The following ARB2A variants were observed in gnomAD, a reference collection of about 807,000 sequenced individuals.
ARB2A encodes cotranscriptional regulator ARB2A.
At chr5:93,692,396 T>A in the ARB2A span, among the ~76,000 whole-genome samples, 1 of 152,044 alleles carries the variant, frequency 6.6e-6, no homozygotes, top group Non-Finnish European at 1.5e-5. Flanking sequence ...GGGGTTGCAA[T>A]CCTAGTCTCT....
the ARB2A span, among the ~76,000 whole-genome samples, chr5:93,755,065 T>C: frequency 3.3e-5 from 5 of 152,316 alleles, no homozygotes; most frequent in East Asian, 5.8e-4. Context: ...TAGTTTTAAA[T>C]TATAGCCTTA....
chr5:93,830,305 G>GTATA, the ARB2A span, among the ~76,000 whole-genome samples: 5 of 40,874 alleles, frequency 1.2e-4, no homozygotes, highest in Non-Finnish European at 2.3e-4. Flanking sequence ...ATATATGTGT[G>GTATA]TGTGTGTATA....
the ARB2A span, among the ~76,000 whole-genome samples, chr5:93,947,661 C>A: frequency 1.0e-5 from 1 of 97,672 alleles, no homozygotes; most frequent in South Asian, 4.6e-4. Context: ...TGCTATCCCT[C>A]CCCCCTCCCC....
At chr5:94,035,196 C>CATACAT in the ARB2A span, among the ~76,000 whole-genome samples, 29,739 of 129,390 alleles carry the variant, frequency 0.23, 3,683 homozygotes, top group Admixed American at 0.26. Flanking sequence ...GGATCTTATA[C>CATACAT]ATACATATAC....
the ARB2A span, chr5:93,740,637 G>A: frequency 6.2e-7 from 1 of 1,613,224 alleles, no homozygotes; most frequent in African/African-American, 1.3e-5. Context: ...CCCCTGCAGA[G>A]TAGAGACGTG....
the ARB2A span, among the ~76,000 whole-genome samples, chr5:93,809,480 G>A: frequency 7.7e-3 from 1,176 of 152,110 alleles, 9 homozygotes; most frequent in Non-Finnish European, 9.2e-3. Context: ...ACATTGGTAA[G>A]ATTTTAAGTT....
the ARB2A span, among the ~76,000 whole-genome samples, chr5:93,932,193 T>C: frequency 6.6e-6 from 1 of 152,200 alleles, no homozygotes; most frequent in African/African-American, 2.4e-5. Flanking sequence ...CTATCTCATA[T>C]TGGTTCATGA....
the ARB2A span, among the ~76,000 whole-genome samples, chr5:93,868,800 T>C: frequency 6.6e-6 from 1 of 152,186 alleles, no homozygotes; most frequent in Admixed American, 6.5e-5. Context: ...AACAATAGTC[T>C]TAGAATAAAC....
chr5:93,760,469 TG>T, the ARB2A span, among the ~76,000 whole-genome samples: 1 of 151,966 alleles, frequency 6.6e-6, no homozygotes, highest in Non-Finnish European at 1.5e-5. Flanking sequence ...AAAGAACAAA[TG>T]TGGAGGAATC....
the ARB2A span, among the ~76,000 whole-genome samples, chr5:94,066,158 A>G: frequency 6.6e-6 from 1 of 152,152 alleles, no homozygotes; most frequent in African/African-American, 2.4e-5. Context: ...TGAAAACCAA[A>G]CACGACATAC....
At chr5:93,828,069 T>C in the ARB2A span, among the ~76,000 whole-genome samples, 1 of 152,160 alleles carries the variant, frequency 6.6e-6, no homozygotes, top group South Asian at 2.1e-4. Flanking sequence ...GACTTGGCGA[T>C]GTGGGCTCTT....
the ARB2A span, among the ~76,000 whole-genome samples, chr5:93,654,956 G>A: frequency 6.6e-6 from 1 of 152,144 alleles, no homozygotes; most frequent in Admixed American, 6.5e-5. Flanking sequence ...AATATCTTTT[G>A]TAGCTGCAGT....
chr5:94,016,699 T>A, the ARB2A span, among the ~76,000 whole-genome samples: 2 of 152,210 alleles, frequency 1.3e-5, no homozygotes, highest in African/African-American at 4.8e-5. Flanking sequence ...ATGCCCTCCC[T>A]CCTTAAAATA....
the ARB2A span, among the ~76,000 whole-genome samples, chr5:94,035,329 AT>A: frequency 6.6e-6 from 1 of 152,010 alleles, no homozygotes; most frequent in Non-Finnish European, 1.5e-5. Context: ...TAGGAAATAT[AT>A]TTTTTAAACA....
the ARB2A span, among the ~76,000 whole-genome samples, chr5:94,072,322 T>C: frequency 6.6e-6 from 1 of 151,840 alleles, no homozygotes; most frequent in African/African-American, 2.4e-5. Flanking sequence ...CACAACACAA[T>C]ACATAGGATC....
At chr5:93,976,954 C>T in the ARB2A span, among the ~76,000 whole-genome samples, 1 of 151,458 alleles carries the variant, frequency 6.6e-6, no homozygotes, top group Non-Finnish European at 1.5e-5. Context: ...TTCTATATAC[C>T]AATAACATTC....
At chr5:93,783,119 A>G in the ARB2A span, among the ~76,000 whole-genome samples, 2 of 152,104 alleles carry the variant, frequency 1.3e-5, no homozygotes, top group Non-Finnish European at 2.9e-5. Context: ...ATCTGGAATG[A>G]AAAACTCATG....
At chr5:93,621,063 G>A in the ARB2A span, 1 of 1,612,294 alleles carries the variant, frequency 6.2e-7, no homozygotes, top group African/African-American at 1.3e-5. Flanking sequence ...GGCCTCTGAG[G>A]CTTCGGTAAA....
At chr5:93,930,714 T>A in the ARB2A span, among the ~76,000 whole-genome samples, 1 of 152,214 alleles carries the variant, frequency 6.6e-6, no homozygotes, top group Non-Finnish European at 1.5e-5. Context: ...ATATTTCTAA[T>A]ATTTATTTAA....
Sources: gnomAD v4.1 joint callset for allele counts (sites outside exome capture counted in the v4.1 genomes callset) on GRCh38, gnomAD v4.1.1 for gene constraint, MANE v1.5 for transcripts, NCBI Gene and HGNC (gene_info 2026-07-23, HGNC 2026-07-21) for gene names.